Variants in CDYL observed in about 807,000 individuals in gnomAD.
The protein encoded by CDYL is chromodomain Y like, also known as chromodomain Y-like protein.
CDYL carries 8 observed loss-of-function variants against 47.3 expected under a neutral mutation model. The observed-to-expected ratio is 0.17, with a 90% confidence interval of 0.10 to 0.31. The LOEUF (loss-of-function observed/expected upper bound fraction) is 0.31. CDYL is among the 10% of genes least tolerant of loss of function. CDYL has a pLI of 1.00. For synonymous variants in CDYL, 266 were observed against 265.0 expected (o/e 1.00, Z -0.04); for missense variants, 471 against 701.4 (o/e 0.67, Z 3.71).
chr6:4,850,868 C>T (rs1378253723), intron 1 of CDYL, among the ~76,000 whole-genome samples: 4 of 152,086 alleles, frequency 2.6e-5, no homozygotes, highest in African/African-American at 9.7e-5. Context: ...GTATAATTTG[C>T]ATTAGCCAGT....
At chr6:4,834,617 G>C (rs1284816182) in intron 1 of CDYL, among the ~76,000 whole-genome samples, 1 of 150,942 alleles carries the variant, frequency 6.6e-6, no homozygotes, top group Non-Finnish European at 1.5e-5. Context: ...CTGAATGTTG[G>C]CCTGCCTTGC....
chr6:4,719,350 G>A (rs1443649229), intron 2 of CDYL, among the ~76,000 whole-genome samples: 1 of 152,110 alleles, frequency 6.6e-6, no homozygotes, highest in Non-Finnish European at 1.5e-5. Flanking sequence ...CGAAAGATGT[G>A]GTTAACGGTA....
Position 4,955,154 on chromosome 6 carries a change from A to G in CDYL, c.*1098A>G, listed in dbSNP as rs1361495220. 1 of 152,616 alleles carries G rather than the reference A, an allele frequency of 6.6e-6. No individual in the cohort carries two copies. Among genetic ancestry groups the G allele is most frequent in the East Asian group, 1.9e-4 (1 of 5,198 alleles). The allele number at this position is 152,616 out of a possible 1,614,324, so 9.5% of individuals were successfully genotyped here. A position where few individuals can be genotyped will look rare whatever the true frequency, so the allele number is the denominator to read the frequency against. On this transcript the variant is annotated 3_prime_UTR_variant, in exon 7 of 7. Transcript: ENST00000397588. ...TATGTCTATACAATATACTGAGTTC[A>G]GTATGGTGTCCAAGAGTGCCCTGTG... is the stretch of plus-strand genomic sequence containing the variant.
At chr6:4,787,765 CTTTTTTTT>C (rs70974136) in intron 1 of CDYL, among the ~76,000 whole-genome samples, 8 of 69,410 alleles carry the variant, frequency 1.2e-4, no homozygotes, top group African/African-American at 2.8e-4. Flanking sequence ...AAATTCAAGT[CTTTTTTTT>C]TTTTTTTTTT....
intron 3 of CDYL, among the ~76,000 whole-genome samples, chr6:4,767,807 A>C (rs953806001): frequency 6.6e-6 from 1 of 152,242 alleles, no homozygotes. Context: ...GGCATGCTGC[A>C]TATGCAGTTG....
At chr6:4,850,867 G>C (rs148682175) in intron 1 of CDYL, among the ~76,000 whole-genome samples, 232 of 152,214 alleles carry the variant, frequency 1.5e-3, no homozygotes, top group African/African-American at 5.3e-3. Flanking sequence ...TGTATAATTT[G>C]CATTAGCCAG....
At chr6:4,928,505 C>G (rs888669757) in intron 2 of CDYL, among the ~76,000 whole-genome samples, 13 of 152,164 alleles carry the variant, frequency 8.5e-5, no homozygotes, top group African/African-American at 3.1e-4. Flanking sequence ...TTAAAATGCC[C>G]TTTGACATAA....
chr6:4,941,648 G>A (rs75885366), intron 4 of CDYL, among the ~76,000 whole-genome samples: 7,968 of 152,210 alleles, frequency 0.052, 289 homozygotes, highest in Non-Finnish European at 0.071. Flanking sequence ...TCTAAGTTTC[G>A]ACTTACCAAT....
chr6:4,901,619 A>G (rs530314888), intron 2 of CDYL, among the ~76,000 whole-genome samples: 2 of 152,218 alleles, frequency 1.3e-5, no homozygotes. Flanking sequence ...ACTAGACTCT[A>G]CGTTAGAACC....
intron 1 of CDYL, among the ~76,000 whole-genome samples, chr6:4,804,962 A>G (rs1488041540): frequency 6.6e-6 from 1 of 152,186 alleles, no homozygotes; most frequent in East Asian, 1.9e-4. Flanking sequence ...TTTAAATAAG[A>G]GAAGAAAGAG....
chr6:4,857,898 G>T (rs1761055137), intron 1 of CDYL, among the ~76,000 whole-genome samples: 1 of 152,136 alleles, frequency 6.6e-6, no homozygotes, highest in Non-Finnish European at 1.5e-5. Context: ...CATTATGCCT[G>T]TTAAGAAGAA....
intron 2 of CDYL, chr6:4,733,329 G>A (rs1203650131): frequency 1.3e-5 from 2 of 151,890 alleles, no homozygotes; most frequent in East Asian, 1.9e-4. Flanking sequence ...TCCCTGTTCC[G>A]CCACAGCATG....
intron 3 of CDYL, among the ~76,000 whole-genome samples, chr6:4,748,673 A>C (rs995183806): frequency 1.3e-5 from 2 of 151,892 alleles, no homozygotes; most frequent in African/African-American, 4.8e-5. Flanking sequence ...ACACACACAC[A>C]CACACACAAA....
intron 1 of CDYL, among the ~76,000 whole-genome samples, chr6:4,829,247 G>GTTGTTT (rs1430258913): frequency 2.6e-5 from 4 of 152,000 alleles, no homozygotes; most frequent in Non-Finnish European, 5.9e-5. Flanking sequence ...TTTTGTTGTT[G>GTTGTTT]TTGTTGAAGG....
chr6:4,749,396 T>A (rs1757952786), intron 3 of CDYL, among the ~76,000 whole-genome samples: 1 of 151,528 alleles, frequency 6.6e-6, no homozygotes. Context: ...GATAGATGGA[T>A]GGATGAATGA....
chr6:4,874,030 C>A (rs568333221), intron 1 of CDYL, among the ~76,000 whole-genome samples: 2 of 152,268 alleles, frequency 1.3e-5, no homozygotes, highest in East Asian at 3.9e-4. Context: ...TGTTTTAAAA[C>A]CTTTTGGTGC....
chr6:4,890,720 A>T (rs376000591), intron 1 of CDYL, among the ~76,000 whole-genome samples: 1 of 152,226 alleles, frequency 6.6e-6, no homozygotes, highest in Admixed American at 6.5e-5. Flanking sequence ...ACTGCCAGAA[A>T]TGTACTGACG....
At chr6:4,761,416 T>C (rs1198076312) in intron 3 of CDYL, among the ~76,000 whole-genome samples, 1 of 152,212 alleles carries the variant, frequency 6.6e-6, no homozygotes, top group African/African-American at 2.4e-5. Context: ...CAATCTCGGC[T>C]CGCTGCAAAC....
intron 2 of CDYL, among the ~76,000 whole-genome samples, chr6:4,923,298 T>G (rs547873164): frequency 6.6e-6 from 1 of 152,328 alleles, no homozygotes; most frequent in African/African-American, 2.4e-5. Context: ...AGCTTCCACA[T>G]GTGAGTGAGA....
Sources: allele counts gnomAD v4.1 joint callset (sites outside exome capture counted in the v4.1 genomes callset), GRCh38; gene constraint gnomAD v4.1.1; transcripts MANE v1.5; gene names NCBI Gene and HGNC (gene_info 2026-07-23, HGNC 2026-07-21).